The following MEMO1 variants were observed in gnomAD, a reference collection of about 807,000 sequenced individuals.
MEMO1 encodes mediator of cell motility 1.
Under a neutral mutation model 45.2 loss-of-function variants are expected in MEMO1, and 6 were observed. The observed-to-expected ratio is 0.13, with a 90% CI of 0.07 to 0.26. MEMO1 has a LOEUF of 0.26. MEMO1 is among the 10% of genes least tolerant of loss of function. MEMO1 has a pLI of 1.00. For synonymous variants in MEMO1, 78 were observed against 124.3 expected (o/e 0.63, Z 2.48); for missense variants, 184 against 370.5 (o/e 0.50, Z 4.13).
intron 5 of MEMO1, among the ~76,000 whole-genome samples, chr2:31,919,311 C>G (rs1175802020): frequency 6.6e-6 from 1 of 151,834 alleles, no homozygotes; most frequent in Non-Finnish European, 1.5e-5. Flanking sequence ...GCTACCATGC[C>G]CAGCAGATTT....
intron 2 of MEMO1, among the ~76,000 whole-genome samples, chr2:31,948,624 C>T (rs1666449972): frequency 6.6e-6 from 1 of 152,164 alleles, no homozygotes; most frequent in Admixed American, 6.5e-5. Flanking sequence ...CAAAAGAGGG[C>T]ACAGTGGCTC....
rs562981384 is a variant in MEMO1, at chr2:32,000,387, C to T, written c.61+9800G>A. Reference sequence around the variant, plus strand: ...CTGGGACTACAGGAACCTGCCACCACGCCCAGCTAATTTTTTGTATTTTTA... The same window carrying T: ...CTGGGACTACAGGAACCTGCCACCATGCCCAGCTAATTTTTTGTATTTTTA... On this transcript the variant is annotated intron_variant, in intron 2 of 9. Coordinates refer to ENST00000404530, the MANE Select transcript of MEMO1 (RefSeq NM_001301833.4). Among the ~76,000 whole-genome samples the T allele has an allele frequency of 1.1e-4, 17 of 152,164 alleles. No homozygotes were observed. The South Asian group carries it at 3.1e-3, about 28-fold the overall frequency.
At chr2:31,901,007 G>GT (rs1484523771) in intron 6 of MEMO1, among the ~76,000 whole-genome samples, 3 of 152,086 alleles carry the variant, frequency 2.0e-5, no homozygotes, top group Non-Finnish European at 4.4e-5. Context: ...AACTGGAAAT[G>GT]TTCAATAGTT....
intron 6 of MEMO1, among the ~76,000 whole-genome samples, chr2:31,895,964 C>T (rs1237732634): frequency 6.6e-6 from 1 of 151,644 alleles, no homozygotes; most frequent in Non-Finnish European, 1.5e-5. Context: ...CTGCCTCAGC[C>T]TCCCGAGTAG....
chr2:31,920,195 A>G (rs1488055965), intron 5 of MEMO1, among the ~76,000 whole-genome samples: 3 of 152,046 alleles, frequency 2.0e-5, no homozygotes, highest in Non-Finnish European at 2.9e-5. Context: ...ACCTTTATAA[A>G]ATCAAAAGAT....
At chr2:31,975,843 T>C (rs1410588628) in intron 2 of MEMO1, among the ~76,000 whole-genome samples, 1 of 152,186 alleles carries the variant, frequency 6.6e-6, no homozygotes, top group African/African-American at 2.4e-5. Flanking sequence ...CCATAAATTA[T>C]GAATATGAAA....
chr2:31,869,728 A>C, intron 9 of MEMO1, 120 bp downstream of exon 9: 1 of 1,021,350 alleles, frequency 9.8e-7, no homozygotes, highest in Non-Finnish European at 1.4e-6. Context: ...TATTAAAGAT[A>C]CTAAAAAGAA....
chr2:31,949,347 T>C (rs896651155), intron 2 of MEMO1, among the ~76,000 whole-genome samples: 9 of 152,122 alleles, frequency 5.9e-5, no homozygotes, highest in African/African-American at 1.7e-4. Context: ...ATAGCTAAGA[T>C]TGGATGCATC....
intron 6 of MEMO1, among the ~76,000 whole-genome samples, 163 bp from the exon 7 acceptor site, chr2:31,892,297 G>T (rs1309192298): frequency 6.6e-6 from 1 of 151,950 alleles, no homozygotes; most frequent in Non-Finnish European, 1.5e-5. Flanking sequence ...AATGTTTAAA[G>T]GGTACAAGGG....
At chr2:31,911,808 T>C (rs965889765) in intron 6 of MEMO1, among the ~76,000 whole-genome samples, 16 of 151,804 alleles carry the variant, frequency 1.1e-4, no homozygotes, top group African/African-American at 3.9e-4. Context: ...ATCCAGTTAT[T>C]TTTTTTTACT....
intron 6 of MEMO1, among the ~76,000 whole-genome samples, chr2:31,915,335 T>C (rs1449433656): frequency 6.6e-6 from 1 of 152,146 alleles, no homozygotes; most frequent in Non-Finnish European, 1.5e-5. Flanking sequence ...TAGTAGACTA[T>C]CAGCAAAGAC....
At chr2:31,872,016 A>AACACACACACACAC (rs55682785) in intron 8 of MEMO1, among the ~76,000 whole-genome samples, 5,262 of 143,206 alleles carry the variant, frequency 0.037, 211 homozygotes, top group Admixed American at 0.11. Flanking sequence ...TCTGTCTCAA[A>AACACACACACACAC]ACACACACAC....
chr2:31,874,477 A>G (rs1418459782), intron 8 of MEMO1, among the ~76,000 whole-genome samples: 3 of 152,086 alleles, frequency 2.0e-5, no homozygotes, highest in Non-Finnish European at 1.5e-5. Flanking sequence ...TTTCTAAGAT[A>G]TTCAAGTGCT....
At chr2:31,987,340 G>A (rs1671387844) in intron 2 of MEMO1, among the ~76,000 whole-genome samples, 1 of 152,054 alleles carries the variant, frequency 6.6e-6, no homozygotes, top group East Asian at 1.9e-4. Flanking sequence ...CAAACAAGGA[G>A]AATGACAAAA....
chr2:31,995,227 G>A (rs909052459), intron 2 of MEMO1, among the ~76,000 whole-genome samples: 1 of 152,092 alleles, frequency 6.6e-6, no homozygotes, highest in Non-Finnish European at 1.5e-5. Flanking sequence ...CGAGGCGGGT[G>A]AATCACTTGA....
At chr2:31,981,650 G>A (rs927773586) in intron 2 of MEMO1, among the ~76,000 whole-genome samples, 2 of 152,180 alleles carry the variant, frequency 1.3e-5, no homozygotes, top group African/African-American at 4.8e-5. Context: ...GGAAACTCAT[G>A]TATTTTACTC....
chr2:31,887,419 T>C (rs1676348876), intron 7 of MEMO1, among the ~76,000 whole-genome samples: 1 of 152,160 alleles, frequency 6.6e-6, no homozygotes, highest in African/African-American at 2.4e-5. Context: ...AAATAAAAAT[T>C]ATACTGTCAC....
intron 4 of MEMO1, among the ~76,000 whole-genome samples, chr2:31,922,195 T>C (rs529065960): frequency 2.7e-4 from 41 of 152,260 alleles, no homozygotes; most frequent in African/African-American, 9.6e-4. Context: ...TGTCAAAAAT[T>C]TGCAGGCCAG....
chr2:31,970,564 C>CT lies in MEMO1; in HGVS notation c.62-27182dup, dbSNP rs577839938. Among the ~76,000 whole-genome samples, 10 of 151,256 alleles carry CT rather than the reference C, an allele frequency of 6.6e-5. No homozygotes were observed. The South Asian group carries it at 1.7e-3, about 25-fold the overall frequency. On this transcript the variant is annotated intron_variant, in intron 2 of 9. Coordinates refer to ENST00000404530, the MANE Select transcript of MEMO1 (RefSeq NM_001301833.4). The stretch of plus-strand genomic sequence containing the variant: ...TCTTAGGTTTACTATCTGTTATCAT[C>CT]TTTTTTTTAACCAAACTGTATAGTT...
Sources: gnomAD v4.1 joint callset for allele counts (sites outside exome capture counted in the v4.1 genomes callset) on GRCh38, gnomAD v4.1.1 for gene constraint, MANE v1.5 for transcripts, NCBI Gene and HGNC (gene_info 2026-07-23, HGNC 2026-07-21) for gene names.